FAM184B: variants seen among roughly 807,000 people sequenced by gnomAD.
The protein encoded by FAM184B is protein FAM184B.
In FAM184B, 111 loss-of-function variants were observed where a neutral mutation model predicts 135.9. The observed-to-expected ratio is 0.82, with a 90% CI of 0.70 to 0.96. FAM184B has a LOEUF of 0.96. Ranked by LOEUF, FAM184B falls within the 40% of genes least tolerant of loss-of-function variation. The pLI is 0.00. For missense variants in FAM184B, 1,375 were observed against 1,323.9 expected, an observed-to-expected ratio of 1.04 and a Z score of -0.60; for synonymous variants, 552 against 524.8, an observed-to-expected ratio of 1.05 and a Z score of -0.71.
At chr4:17,742,556 T>C (rs1718068671) in intron 1 of FAM184B, among the ~76,000 whole-genome samples, 1 of 152,148 alleles carries the variant, frequency 6.6e-6, no homozygotes, top group African/African-American at 2.4e-5. Flanking sequence ...GCCCCTATCC[T>C]GTGCCTATAA....
chr4:17,683,467 T>C (rs1226125616), intron 7 of FAM184B, among the ~76,000 whole-genome samples: 2 of 152,182 alleles, frequency 1.3e-5, no homozygotes, highest in Non-Finnish European at 1.5e-5. Flanking sequence ...TAAATGAGAA[T>C]GGTGAAGCAA....
intron 1 of FAM184B, among the ~76,000 whole-genome samples, chr4:17,717,955 AC>A (rs1303301907): frequency 2.6e-5 from 4 of 152,034 alleles, no homozygotes; most frequent in African/African-American, 9.7e-5. Flanking sequence ...TTTTAAACCA[AC>A]CTAATAACAA....
At chr4:17,746,968 GTGGAGTT>G (rs566727059) in intron 1 of FAM184B, among the ~76,000 whole-genome samples, 62 of 151,082 alleles carry the variant, frequency 4.1e-4, no homozygotes, top group African/African-American at 1.4e-3. Context: ...AGCCCTGGAG[GTGGAGTT>G]TGCAGTGAGC....
intron 10 of FAM184B, among the ~76,000 whole-genome samples, chr4:17,654,685 T>C (rs1283735911): frequency 1.3e-5 from 2 of 152,176 alleles, no homozygotes; most frequent in African/African-American, 4.8e-5. Context: ...ATGAGGCTCC[T>C]GTGAGGGAAG....
Position 17,658,371 on chromosome 4 carries a change from C to A in FAM184B, c.2016G>T (p.Lys672Asn). The change falls in exon 10 of 18, where the codon AAG (lysine) becomes AAT (asparagine). Residue 672 changes from lysine to asparagine, a missense_variant. Lys to Asn is a moderately conservative substitution (Grantham distance 94). Transcript: ENST00000265018. ...SHQRALRMLE[K>N]ARHQELKATE... ...TCACCTTGAGTTCCTGATGTCTGGCCTTCTCCAGCATGCGCAGGGCTCTCT... is the reference window on the plus strand; with the variant it reads ...TCACCTTGAGTTCCTGATGTCTGGCATTCTCCAGCATGCGCAGGGCTCTCT... 1 of 1,551,666 alleles carries A rather than the reference C, an allele frequency of 6.4e-7. No homozygotes were observed. The highest frequency in any genetic ancestry group is 8.7e-7 in the Non-Finnish European group (1 of 1,146,990).
At chr4:17,669,058 G>T (rs1716115524) in intron 7 of FAM184B, among the ~76,000 whole-genome samples, 1 of 152,172 alleles carries the variant, frequency 6.6e-6, no homozygotes, top group African/African-American at 2.4e-5. Flanking sequence ...AGAACACGCT[G>T]CACAGCTATT....
chr4:17,777,686 T>A (rs1003942726), intron 1 of FAM184B, among the ~76,000 whole-genome samples: 9 of 152,138 alleles, frequency 5.9e-5, no homozygotes, highest in South Asian at 2.1e-4. Flanking sequence ...AATCTTTTTT[T>A]AAAAAAATAA....
chr4:17,760,960 C>T (rs907376084), intron 1 of FAM184B, among the ~76,000 whole-genome samples: 25 of 152,302 alleles, frequency 1.6e-4, no homozygotes, highest in Admixed American at 1.5e-3. Flanking sequence ...GTCAGTAGTT[C>T]CCAACAGTTG....
chr4:17,711,839 GA>G (rs952065868), intron 1 of FAM184B, among the ~76,000 whole-genome samples: 1 of 152,214 alleles, frequency 6.6e-6, no homozygotes, highest in Non-Finnish European at 1.5e-5. Context: ...ACAGGAGAAT[GA>G]GGGAGCTCTC....
At chr4:17,667,613 C>T (rs1057084074) in intron 7 of FAM184B, among the ~76,000 whole-genome samples, 9 of 152,180 alleles carry the variant, frequency 5.9e-5, no homozygotes, top group South Asian at 2.1e-4. Flanking sequence ...CTCTGCCTCC[C>T]GCAGCTTTTC....
intron 12 of FAM184B, among the ~76,000 whole-genome samples, chr4:17,645,599 T>C (rs1419049974): frequency 2.0e-5 from 3 of 151,918 alleles, no homozygotes; most frequent in South Asian, 2.1e-4. Flanking sequence ...AAGACTTAAA[T>C]GTTAGACCTA....
At chr4:17,771,778 G>A (rs567816142) in intron 1 of FAM184B, among the ~76,000 whole-genome samples, 33 of 152,286 alleles carry the variant, frequency 2.2e-4, no homozygotes, top group African/African-American at 7.0e-4. Flanking sequence ...TTCCAAGTTC[G>A]ACAACTGGGC....
intron 1 of FAM184B, among the ~76,000 whole-genome samples, chr4:17,768,967 C>G (rs1329074376): frequency 1.3e-5 from 2 of 152,012 alleles, no homozygotes; most frequent in East Asian, 3.9e-4. Flanking sequence ...CCACGTCTGG[C>G]TAATTTTCTG....
intron 8 of FAM184B, among the ~76,000 whole-genome samples, chr4:17,663,402 T>C (rs905164424): frequency 6.6e-6 from 1 of 152,044 alleles, no homozygotes; most frequent in African/African-American, 2.4e-5. Flanking sequence ...GGGATCCAAA[T>C]AGGAAGAAAG....
rs1368966774 is a variant in FAM184B at position 17,635,065 on chromosome 4, G to A, written c.2833C>T (p.Arg945Trp). Residue 945 changes from arginine (R) to tryptophan (W), a missense_variant, in exon 16 of 18, where the codon CGG becomes TGG. Arg to Trp is a moderately radical substitution (Grantham distance 101). Coordinates refer to ENST00000265018, the MANE Select transcript of FAM184B (RefSeq NM_015688.2). ...YAAFPSAMSH[R>W]NRSFSFNPHP... ...GGATTGAAAGAGAAAGACCGATTCC[G>A]GTGGGACATGGCACTGGGGAATGCT... 12 of 1,551,670 alleles carry A rather than the reference G, an allele frequency of 7.7e-6. No individual in the cohort carries two copies. The highest frequency in any genetic ancestry group is 4.9e-5 in the East Asian group (2 of 40,936).
intron 1 of FAM184B, among the ~76,000 whole-genome samples, chr4:17,712,315 G>A (rs924869380): frequency 2.0e-5 from 3 of 152,230 alleles, no homozygotes; most frequent in Non-Finnish European, 4.4e-5. Context: ...GTCAAAGACT[G>A]AGAAATCCAG....
chr4:17,660,339 A>ACCTGATATCTGTTTAGCAGGAACCG (rs1204287275), intron 8 of FAM184B, among the ~76,000 whole-genome samples: 1 of 149,028 alleles, frequency 6.7e-6, no homozygotes, highest in African/African-American at 2.6e-5. Context: ...AGCAGGAACC[A>ACCTGATATCTGTTTAGCAGGAACCG]CCTGATATCT....
intron 1 of FAM184B, among the ~76,000 whole-genome samples, chr4:17,743,618 C>T (rs1011014573): frequency 6.6e-6 from 1 of 152,162 alleles, no homozygotes; most frequent in Non-Finnish European, 1.5e-5. Flanking sequence ...TCCAAATGTG[C>T]TTTTAAATTC....
chr4:17,648,727 G>T (rs79204326), intron 11 of FAM184B, among the ~76,000 whole-genome samples: 2,286 of 152,120 alleles, frequency 0.015, 22 homozygotes, highest in Middle Eastern at 0.024. Flanking sequence ...GATCATGGAG[G>T]TAGGAGATGG....
Sources: allele counts gnomAD v4.1 joint callset (sites outside exome capture counted in the v4.1 genomes callset), GRCh38; gene constraint gnomAD v4.1.1; transcripts MANE v1.5; gene names NCBI Gene and HGNC (gene_info 2026-07-23, HGNC 2026-07-21).